WDTC1: variants seen among roughly 807,000 people sequenced by gnomAD.
The protein encoded by WDTC1 is WD and tetratricopeptide repeats protein 1.
Under a neutral mutation model 76.0 loss-of-function variants are expected in WDTC1, and 12 were observed. The observed-to-expected ratio is 0.16, with a 90% CI of 0.10 to 0.26. WDTC1 has a LOEUF of 0.26. Ranked by LOEUF, WDTC1 falls within the 10% of genes least tolerant of loss-of-function variation. The pLI is 1.00. For missense variants in WDTC1, 511 were observed against 908.8 expected, an observed-to-expected ratio of 0.56 and a Z score of 5.63; for synonymous variants, 326 against 350.8, an observed-to-expected ratio of 0.93 and a Z score of 0.79.
intron 3 of WDTC1, among the ~76,000 whole-genome samples, chr1:27,273,452 C>T (rs1437642501): frequency 6.6e-6 from 1 of 152,076 alleles, no homozygotes; most frequent in Non-Finnish European, 1.5e-5. Context: ...TCGTGATCTG[C>T]CTGCCTCAGC....
At chr1:27,294,363 C>G (rs2013625227) in intron 8 of WDTC1, 151 bp from the exon 9 acceptor site, 1 of 713,878 alleles carries the variant, frequency 1.4e-6, no homozygotes, top group African/African-American at 1.8e-5. Context: ...TATAAAGCAA[C>G]TAGCCCAGTG....
chr1:27,238,483 CT>C (rs145175128), intron 1 of WDTC1, among the ~76,000 whole-genome samples: 8,292 of 150,158 alleles, frequency 0.055, 801 homozygotes, highest in African/African-American at 0.19. Context: ...TTTGCCACAT[CT>C]TTTTTTTTTC....
At chr1:27,259,834 A>G (rs2012416182) in intron 1 of WDTC1, among the ~76,000 whole-genome samples, 1 of 151,400 alleles carries the variant, frequency 6.6e-6, no homozygotes, top group Non-Finnish European at 1.5e-5. Context: ...CAGCTTCAGC[A>G]AGATGGCGAG....
In WDTC1 at chr1:27,303,837, G is replaced by A. The variant is rs763674859; in HGVS notation, c.1643+42G>A. On this transcript the variant is annotated intron_variant, in intron 14 of 15. Coordinates refer to ENST00000319394, the MANE Select transcript of WDTC1 (RefSeq NM_001276252.2). This position sits in a 1 kb window ranked among gnomAD's most constrained non-coding sequence, Gnocchi z 4.8. The stretch of plus-strand genomic sequence containing the variant: ...AGGAGGGTGCAGCCCAGTTGGCAGC[G>A]GGAGGTTGAGTGGGGAGTGTTGGGG... The A allele has an allele frequency of 8.8e-5, 141 of 1,607,242 alleles. No individual in the cohort carries two copies. Among genetic ancestry groups the A allele is most frequent in the Middle Eastern group, 1.7e-4 (1 of 6,046 alleles).
chr1:27,258,107 C>T (rs892254888), intron 1 of WDTC1, among the ~76,000 whole-genome samples: 1 of 151,048 alleles, frequency 6.6e-6, no homozygotes, highest in Non-Finnish European at 1.5e-5. Flanking sequence ...TTTTAAAGAG[C>T]TTATGGTCCT....
At chr1:27,292,482 CTCT>C (rs756488887) in intron 7 of WDTC1, 85 bp downstream of exon 7, 13 of 1,317,618 alleles carry the variant, frequency 9.9e-6, no homozygotes, top group African/African-American at 4.5e-5. Flanking sequence ...TTGCCATGCC[CTCT>C]TCTTCTATCA....
intron 12 of WDTC1, 76 bp downstream of exon 12, chr1:27,298,187 G>A: frequency 3.4e-6 from 5 of 1,472,264 alleles, no homozygotes; most frequent in Non-Finnish European, 4.5e-6. Flanking sequence ...GGGGCCTGAT[G>A]GAGCCAAGTT....
intron 3 of WDTC1, among the ~76,000 whole-genome samples, chr1:27,272,813 G>A (rs527566070): frequency 6.6e-6 from 1 of 152,262 alleles, no homozygotes; most frequent in African/African-American, 2.4e-5. Context: ...GGAGTTTGAG[G>A]CAGGGGAATC....
Position 27,301,674 on chromosome 1 carries a change from A to G in WDTC1, c.1468+213A>G, listed in dbSNP as rs187108556. ...CCAGCACCTCCCACTGAGCGTTTCT[A>G]TTGAGGATCAGCATGTTTAAATGGC... On this transcript the variant is annotated intron_variant, in intron 13 of 15. Transcript: ENST00000319394. The surrounding 1 kb of genome is among the most constrained non-coding windows in gnomAD (Gnocchi z 5.8). Among the ~76,000 whole-genome samples, 21 of 152,138 alleles carry G rather than the reference A, an allele frequency of 1.4e-4. No homozygotes were observed. The East Asian group carries it at 2.1e-3, about 15-fold the overall frequency.
intron 12 of WDTC1, among the ~76,000 whole-genome samples, chr1:27,298,351 T>C (rs531009169): frequency 6.6e-6 from 1 of 152,360 alleles, no homozygotes; most frequent in East Asian, 1.9e-4. Flanking sequence ...ACGTGGAACA[T>C]GTTCAAAACT....
intron 1 of WDTC1, among the ~76,000 whole-genome samples, chr1:27,259,647 T>C (rs992206222): frequency 6.6e-6 from 1 of 152,186 alleles, no homozygotes; most frequent in Non-Finnish European, 1.5e-5. Context: ...CTTTTTCTTA[T>C]GGCAAATCCT....
chr1:27,283,849 A>C (rs1000087532), intron 5 of WDTC1, among the ~76,000 whole-genome samples: 1 of 152,232 alleles, frequency 6.6e-6, no homozygotes. Flanking sequence ...AAAATCTCCC[A>C]GATTTGTAAA....
intron 3 of WDTC1, among the ~76,000 whole-genome samples, chr1:27,264,494 G>A (rs1216754273): frequency 6.6e-6 from 1 of 151,828 alleles, no homozygotes; most frequent in Non-Finnish European, 1.5e-5. Context: ...GCTTGTTCAA[G>A]TTTGTCCTGT....
chr1:27,258,866 C>T (rs2012377745), intron 1 of WDTC1, among the ~76,000 whole-genome samples: 1 of 152,140 alleles, frequency 6.6e-6, no homozygotes, highest in Non-Finnish European at 1.5e-5. Flanking sequence ...CCTGTGAGGT[C>T]CTAATGACTG....
In WDTC1 at chr1:27,304,996, G is replaced by C. The variant is rs372694073; in HGVS notation, c.1644-5G>C. 1 of 1,607,954 alleles carries C rather than the reference G, an allele frequency of 6.2e-7. No homozygotes were observed. Among genetic ancestry groups the C allele is most frequent in the Admixed American group, 1.7e-5 (1 of 59,794 alleles). The stretch of plus-strand genomic sequence containing the variant: ...TGACCTCCCTGCCCTTTGCCCCCCC[G>C]CCAGCAACGCTCAGTATATCGTCAG... On this transcript the variant is annotated splice_polypyrimidine_tract_variant and splice_region_variant and intron_variant, in intron 14 of 15. Coordinates refer to ENST00000319394, the MANE Select transcript of WDTC1 (RefSeq NM_001276252.2).
chr1:27,269,621 G>GTCTTTTTTTTTTTTTTTT (rs2012798039), intron 3 of WDTC1, among the ~76,000 whole-genome samples: 1 of 126,872 alleles, frequency 7.9e-6, no homozygotes, highest in African/African-American at 3.0e-5. Flanking sequence ...TTTTTTTTCG[G>GTCTTTTTTTTTTTTTTTT]TTTTTTTTTT....
Position 27,301,171 on chromosome 1 carries a change from A to G in WDTC1, c.1233-55A>G. 1 of 1,538,470 alleles carries G rather than the reference A, an allele frequency of 6.5e-7. No individual in the cohort carries two copies. The highest frequency in any genetic ancestry group is 2.3e-5 in the East Asian group (1 of 43,700). ...AGGAAGCAGAGGAGACTGAATGGGG[A>G]CCCCTTGCTTGCCACGTGGCTCCAC... On this transcript the variant is annotated intron_variant, in intron 12 of 15. Transcript: ENST00000319394. The surrounding 1 kb of genome is among the most constrained non-coding windows in gnomAD (Gnocchi z 5.8).
At chr1:27,234,552 C>G (rs2011444441), upstream of WDTC1, 2 of 381,926 alleles carry the variant, frequency 5.2e-6, no homozygotes, top group African/African-American at 2.1e-5. Context: ...TGGAAGCGGC[C>G]GGGCGCAGTC....
intron 1 of WDTC1, among the ~76,000 whole-genome samples, chr1:27,247,843 C>CA (rs2011900793): frequency 6.6e-6 from 1 of 151,976 alleles, no homozygotes; most frequent in Non-Finnish European, 1.5e-5. Context: ...CTCAGCCTCC[C>CA]AAGTAGCTGG....
Sources: allele counts gnomAD v4.1 joint callset (sites outside exome capture counted in the v4.1 genomes callset), GRCh38; gene constraint gnomAD v4.1.1; non-coding constraint Gnocchi (gnomAD v3.1); transcripts MANE v1.5; gene names NCBI Gene and HGNC (gene_info 2026-07-23, HGNC 2026-07-21).